The following SPECC1L variants were observed in gnomAD, a reference collection of about 807,000 sequenced individuals.
SPECC1L encodes the protein sperm antigen with calponin homology and coiled-coil domains 1 like.
SPECC1L carries 40 observed loss-of-function variants against 116.8 expected under a neutral mutation model. The observed-to-expected ratio is 0.34, with a 90% confidence interval of 0.27 to 0.45. SPECC1L has a LOEUF of 0.45. SPECC1L is among the 20% of genes least tolerant of loss of function. The pLI, the probability that SPECC1L is intolerant of heterozygous loss-of-function variation, is 1.00. For synonymous variants in SPECC1L, 504 were observed against 500.6 expected, an observed-to-expected ratio of 1.01 and a Z score of -0.09; for missense variants, 1,110 against 1,373.6, an observed-to-expected ratio of 0.81 and a Z score of 3.03.
chr22:24,412,238 C>T (rs888664871), intron 15 of SPECC1L: 2 of 363,412 alleles, frequency 5.5e-6, no homozygotes, highest in African/African-American at 2.1e-5. Context: ...GATCCAGGCC[C>T]GCAGCCCCCA....
intron 1 of SPECC1L, among the ~76,000 whole-genome samples, chr22:24,275,015 G>A (rs1290954717): frequency 6.6e-6 from 1 of 152,084 alleles, no homozygotes; most frequent in African/African-American, 2.4e-5. Context: ...CATGTCCCTT[G>A]TTTTCCTCCG....
chr22:24,413,512 C>G (rs925588688), intron 16 of SPECC1L, among the ~76,000 whole-genome samples: 6 of 152,180 alleles, frequency 3.9e-5, no homozygotes, highest in South Asian at 2.1e-4. Context: ...CCCAGCCTAA[C>G]TTGTAGCAGC....
At chr22:24,412,605 T>G (rs2042720689) in intron 15 of SPECC1L, 43 bp from the exon 16 acceptor site, 1 of 1,605,432 alleles carries the variant, frequency 6.2e-7, no homozygotes, top group African/African-American at 1.3e-5. Flanking sequence ...TGACTTTCTC[T>G]GTGCCTTGTT....
At chr22:24,296,897 C>T (rs2049275976) in intron 2 of SPECC1L, among the ~76,000 whole-genome samples, 1 of 151,596 alleles carries the variant, frequency 6.6e-6, no homozygotes, top group African/African-American at 2.4e-5. Context: ...AGTGTGGTGA[C>T]AGTTCTGTAA....
chr22:24,417,377 C>G lies in SPECC1L; in HGVS notation c.*2754C>G, dbSNP rs1313576028. 6.6e-6 allele frequency: 1 copy of G among 152,392 alleles called. No homozygotes were observed. Among genetic ancestry groups the G allele is most frequent in the Non-Finnish European group, 1.5e-5 (1 of 68,062 alleles). The allele number at this position is 152,392 out of a possible 1,614,324, so 9.4% of individuals were successfully genotyped here. A position where few individuals can be genotyped will look rare whatever the true frequency, so the allele number is the denominator to read the frequency against. On this transcript the variant is annotated 3_prime_UTR_variant, in exon 17 of 17. Coordinates refer to ENST00000314328, the MANE Select transcript of SPECC1L (RefSeq NM_015330.6). ...GGCACCTCTGAGCCAGCCTGTGGCC[C>G]TACCCCAAGGCGCACTTCCTCATGT... is the stretch of plus-strand genomic sequence containing the variant.
At chr22:24,285,854 C>CTAA (rs1256072023) in intron 2 of SPECC1L, among the ~76,000 whole-genome samples, 1 of 152,134 alleles carries the variant, frequency 6.6e-6, no homozygotes, top group East Asian at 1.9e-4. Context: ...GTTGGCCAGG[C>CTAA]TAATCTTGAA....
At chr22:24,356,486 C>T (rs2041536164) in intron 11 of SPECC1L, among the ~76,000 whole-genome samples, 1 of 151,998 alleles carries the variant, frequency 6.6e-6, no homozygotes, top group Admixed American at 6.6e-5. Flanking sequence ...ATTGATGTAC[C>T]TACTCCAACC....
intron 11 of SPECC1L, among the ~76,000 whole-genome samples, chr22:24,362,174 T>C (rs2041658944): frequency 6.6e-6 from 1 of 152,196 alleles, no homozygotes; most frequent in African/African-American, 2.4e-5. Context: ...TGAAGAGTCT[T>C]GTCGGGCTGT....
At chr22:24,376,305 T>C (rs899806927) in intron 14 of SPECC1L, among the ~76,000 whole-genome samples, 1 of 152,132 alleles carries the variant, frequency 6.6e-6, no homozygotes, top group African/African-American at 2.4e-5. Flanking sequence ...GGACTACAGG[T>C]GTAGGCCATC....
chr22:24,317,318 C>A (rs1306617904), intron 4 of SPECC1L, among the ~76,000 whole-genome samples: 1 of 124,986 alleles, frequency 8.0e-6, no homozygotes, highest in African/African-American at 2.8e-5. Context: ...GGGGCTGACC[C>A]CCCCCACCTC....
At position 24,366,439 on chromosome 22, in the gene SPECC1L, C is replaced by T. The variant is rs375750215; in HGVS notation, c.2984+807C>T. Among the ~76,000 whole-genome samples, 5 of 152,186 alleles carry T rather than the reference C, an allele frequency of 3.3e-5. No homozygotes were observed. The South Asian group carries it at 6.2e-4, about 19-fold the overall frequency. On this transcript the variant is annotated intron_variant, in intron 13 of 16. Transcript: ENST00000314328. ...CGATCTCCTGACCTCGTGATCCACC[C>T]GCCTCGGCCTCCCAAAGTGCTGGGA...
chr22:24,285,541 A>C (rs542805972), intron 2 of SPECC1L, among the ~76,000 whole-genome samples: 1 of 152,244 alleles, frequency 6.6e-6, no homozygotes, highest in South Asian at 2.1e-4. Context: ...CAAGCCAGCA[A>C]ATGTCCCAGG....
intron 14 of SPECC1L, among the ~76,000 whole-genome samples, chr22:24,397,843 AC>A (rs576980720): frequency 6.4e-4 from 97 of 152,140 alleles, no homozygotes; most frequent in African/African-American, 2.2e-3. Context: ...GAGTTTTCTT[AC>A]ACCAGTATGT....
At chr22:24,406,373 C>T (rs1369509889) in intron 14 of SPECC1L, among the ~76,000 whole-genome samples, 3 of 152,176 alleles carry the variant, frequency 2.0e-5, no homozygotes, top group African/African-American at 7.2e-5. Context: ...GAAGACAGGG[C>T]ATGAACCCTT....
intron 14 of SPECC1L, among the ~76,000 whole-genome samples, chr22:24,411,227 G>GT (rs1230974557): frequency 3.3e-5 from 5 of 151,758 alleles, no homozygotes; most frequent in African/African-American, 1.2e-4. Flanking sequence ...AAAAAAGGGG[G>GT]GGTCATTGAT....
At chr22:24,409,858 C>G (rs921669089) in intron 14 of SPECC1L, among the ~76,000 whole-genome samples, 2 of 151,990 alleles carry the variant, frequency 1.3e-5, no homozygotes, top group African/African-American at 2.4e-5. Flanking sequence ...AACCTCATCT[C>G]TACAAAAAAA....
At chr22:24,402,335 G>GT (rs937068949) in intron 14 of SPECC1L, among the ~76,000 whole-genome samples, 8 of 151,926 alleles carry the variant, frequency 5.3e-5, no homozygotes, top group African/African-American at 1.9e-4. Context: ...GGCATTCTGT[G>GT]TTTAACAGCC....
chr22:24,414,454 C>T, intron 16 of SPECC1L, 80 bp from the exon 17 acceptor site: 6 of 1,147,450 alleles, frequency 5.2e-6, no homozygotes, highest in Non-Finnish European at 7.8e-6. Context: ...CTCCAAGAGC[C>T]CATGTTGCTA....
chr22:24,409,137 A>G (rs993041246), intron 14 of SPECC1L, among the ~76,000 whole-genome samples: 1 of 152,252 alleles, frequency 6.6e-6, no homozygotes, highest in Non-Finnish European at 1.5e-5. Flanking sequence ...TTCTGTACAG[A>G]TATAGTTAAT....
Sources: allele counts gnomAD v4.1 joint callset (sites outside exome capture counted in the v4.1 genomes callset), GRCh38; gene constraint gnomAD v4.1.1; transcripts MANE v1.5; gene names NCBI Gene and HGNC (gene_info 2026-07-23, HGNC 2026-07-21).